CEP162: variants seen among roughly 807,000 people sequenced by gnomAD.
CEP162 encodes centrosomal protein 162.
In CEP162, 141 loss-of-function variants were observed where a neutral mutation model predicts 169.2. The ratio of observed to expected loss-of-function variants is 0.83; its 90% confidence interval spans 0.73 to 0.96. The LOEUF is 0.96. CEP162 is among the 40% of genes least tolerant of loss of function. The pLI, the probability that CEP162 is intolerant of heterozygous loss-of-function variation, is 0.00. For synonymous variants in CEP162, 540 were observed against 526.4 expected (o/e 1.03, Z -0.35); for missense variants, 1,600 against 1,587.2 (o/e 1.01, Z -0.14).
chr6:84,173,577 T>C (rs1317333365), intron 16 of CEP162, among the ~76,000 whole-genome samples: 1 of 152,204 alleles, frequency 6.6e-6, no homozygotes, highest in Non-Finnish European at 1.5e-5. Context: ...CCCATGCTTT[T>C]ACCATTTAAT....
chr6:84,173,407 T>C (rs2099530988), intron 16 of CEP162, among the ~76,000 whole-genome samples: 1 of 152,200 alleles, frequency 6.6e-6, no homozygotes, highest in East Asian at 1.9e-4. Flanking sequence ...CCATCATAAA[T>C]TAAAACTTTG....
intron 21 of CEP162, among the ~76,000 whole-genome samples, chr6:84,158,828 T>C (rs1337231705): frequency 1.3e-5 from 2 of 151,984 alleles, no homozygotes; most frequent in African/African-American, 4.8e-5. Flanking sequence ...TACTGTATTT[T>C]TTGGGAAAAA....
At chr6:84,183,070 T>C (rs185272939) in intron 13 of CEP162, among the ~76,000 whole-genome samples, 1 of 152,272 alleles carries the variant, frequency 6.6e-6, no homozygotes, top group Admixed American at 6.5e-5. Flanking sequence ...TCATACTTAA[T>C]ATTCAGTCTA....
intron 24 of CEP162, among the ~76,000 whole-genome samples, chr6:84,147,013 A>T (rs929334043): frequency 5.3e-5 from 8 of 152,176 alleles, no homozygotes; most frequent in African/African-American, 1.9e-4. Context: ...AAGGAAAAGA[A>T]ATTTGTATAT....
chr6:84,200,895 A>C lies in CEP162; in HGVS notation c.729T>G (p.Leu243=). 1 of 1,591,338 alleles carries C rather than the reference A, an allele frequency of 6.3e-7. No individual in the cohort carries two copies. Among genetic ancestry groups the C allele is most frequent in the Non-Finnish European group, 8.6e-7 (1 of 1,160,524 alleles). ...CCTCTGCAACAGAGTCTAATGAATC[A>C]AGCAGCACAACTGGAAGAATATAAA... ...KTGMLANVVL[L]DSLDSVAEVN... Residue 243 remains leucine, a synonymous_variant, in exon 9 of 27, where the codon CTT becomes CTG. Coordinates refer to ENST00000403245, the MANE Select transcript of CEP162 (RefSeq NM_014895.4).
chr6:84,187,219 A>G (rs1257736783), intron 11 of CEP162, among the ~76,000 whole-genome samples: 1 of 152,208 alleles, frequency 6.6e-6, no homozygotes, highest in Non-Finnish European at 1.5e-5. Flanking sequence ...TCAATTAGAT[A>G]TTAAATACCT....
chr6:84,216,535 T>G (rs1403105209), intron 3 of CEP162, among the ~76,000 whole-genome samples: 2 of 152,020 alleles, frequency 1.3e-5, no homozygotes, highest in African/African-American at 4.8e-5. Context: ...GACGGGAGGG[T>G]ATTATAGTCT....
chr6:84,205,247 C>T (rs2099546361), intron 6 of CEP162, among the ~76,000 whole-genome samples: 1 of 152,120 alleles, frequency 6.6e-6, no homozygotes, highest in South Asian at 2.1e-4. Context: ...ATCCTGATAC[C>T]AAAGCCTGGC....
At chr6:84,187,571 A>G (rs867028471) in intron 11 of CEP162, among the ~76,000 whole-genome samples, 1 of 152,190 alleles carries the variant, frequency 6.6e-6, no homozygotes, top group African/African-American at 2.4e-5. Flanking sequence ...ACTTCCATCT[A>G]GATGGGACCA....
In CEP162 at chr6:84,189,716, G is replaced by A. The variant is rs192359087; in HGVS notation, c.1110-3093C>T. 1.1e-3 allele frequency among the ~76,000 whole-genome samples: 172 copies of A among 152,240 alleles called. 1 individual carries two copies. The highest frequency in any genetic ancestry group is 9.6e-3 in the Admixed American group (147 of 15,300). The stretch of plus-strand genomic sequence containing the variant: ...CGAGCACCACCCCCTGCTCCACGGC[G>A]CCCAGTCCCATCGACCACCCAAGGG... On this transcript the variant is annotated intron_variant, in intron 11 of 26. Coordinates refer to ENST00000403245, the MANE Select transcript of CEP162 (RefSeq NM_014895.4).
chr6:84,158,720 TA>T (rs2099524218), intron 21 of CEP162, among the ~76,000 whole-genome samples: 1 of 152,142 alleles, frequency 6.6e-6, no homozygotes, highest in South Asian at 2.1e-4. Context: ...CTAAATATAG[TA>T]AAAAGAGAAC....
chr6:84,227,274 G>A (rs901176014), intron 1 of CEP162, among the ~76,000 whole-genome samples: 3 of 152,086 alleles, frequency 2.0e-5, no homozygotes, highest in African/African-American at 7.2e-5. Context: ...CCTCCCCATC[G>A]TGCAGAGTAA....
Position 84,220,996 on chromosome 6 carries a change from A to G in CEP162, c.172+61T>C, listed in dbSNP as rs142615556. On this transcript the variant is annotated intron_variant, in intron 3 of 26. Coordinates refer to ENST00000403245, the MANE Select transcript of CEP162 (RefSeq NM_014895.4). The stretch of plus-strand genomic sequence containing the variant: ...TATTTATAGTGAAGTAACAAAATCC[A>G]GAAGTCTTGACTGACCCCTTGTGGT... The G allele has an allele frequency of 8.3e-4, 683 of 823,374 alleles. 1 individual carries two copies. Among genetic ancestry groups the G allele is most frequent in the Non-Finnish European group, 1.2e-3 (595 of 486,802 alleles). The allele number at this position is 823,374 out of a possible 1,614,324, so 51.0% of individuals were successfully genotyped here.
rs367739218 is a variant in CEP162 at position 84,209,983 on chromosome 6, A to C, written c.571+2974T>G. On this transcript the variant is annotated intron_variant, in intron 6 of 26. Coordinates refer to ENST00000403245, the MANE Select transcript of CEP162 (RefSeq NM_014895.4). ...AGCACATGTCAGAGATTTCAGGAACAAACATCAAGGCAAATTAAGTTTATA... is the reference window on the plus strand; with the variant it reads ...AGCACATGTCAGAGATTTCAGGAACCAACATCAAGGCAAATTAAGTTTATA... Among the ~76,000 whole-genome samples the C allele has an allele frequency of 2.0e-5, 3 of 152,354 alleles. No homozygotes were observed. The East Asian group carries it at 5.8e-4, about 29-fold the overall frequency.
chr6:84,216,593 T>C lies in CEP162; in HGVS notation c.173-671A>G, dbSNP rs556661167. Among the ~76,000 whole-genome samples the C allele has an allele frequency of 5.3e-5, 8 of 152,282 alleles. No homozygotes were observed. The South Asian group carries it at 1.0e-3, about 20-fold the overall frequency. ...AATTTTCTCTAAGGCTAATATATAT[T>C]AAGCATATTAAAAGTTTTTTATGAC... is the stretch of plus-strand genomic sequence containing the variant. On this transcript the variant is annotated intron_variant, in intron 3 of 26. Transcript: ENST00000403245.
At chr6:84,191,515 G>A (rs2099539880) in intron 11 of CEP162, among the ~76,000 whole-genome samples, 1 of 152,210 alleles carries the variant, frequency 6.6e-6, no homozygotes, top group South Asian at 2.1e-4. Flanking sequence ...TGCTGAAAGG[G>A]TGTATCTACT....
At chr6:84,209,312 T>G (rs1202688463) in intron 6 of CEP162, among the ~76,000 whole-genome samples, 2 of 152,154 alleles carry the variant, frequency 1.3e-5, no homozygotes, top group Admixed American at 1.3e-4. Flanking sequence ...TAATATGCAC[T>G]GTATATAAGT....
At chr6:84,193,911 A>C (rs537766244) in intron 10 of CEP162, among the ~76,000 whole-genome samples, 1 of 152,324 alleles carries the variant, frequency 6.6e-6, no homozygotes. Context: ...ATATTTATCA[A>C]AAAATATCTA....
chr6:84,150,815 TAAC>T (rs2099520800), intron 23 of CEP162, among the ~76,000 whole-genome samples: 1 of 152,180 alleles, frequency 6.6e-6, no homozygotes, highest in South Asian at 2.1e-4. Context: ...TGCCATATGG[TAAC>T]AACATGACTC....
Sources: allele counts gnomAD v4.1 joint callset (sites outside exome capture counted in the v4.1 genomes callset), GRCh38; gene constraint gnomAD v4.1.1; transcripts MANE v1.5; gene names NCBI Gene and HGNC (gene_info 2026-07-23, HGNC 2026-07-21).